PRKAR1A: variants seen among roughly 807,000 people sequenced by gnomAD.
PRKAR1A encodes the protein cAMP-dependent protein kinase type I-alpha regulatory subunit.
A neutral mutation model predicts 52.0 loss-of-function variants in PRKAR1A; 3 were observed. The observed-to-expected ratio is 0.06, with a 90% CI of 0.03 to 0.15. PRKAR1A has a LOEUF of 0.15. PRKAR1A is among the 10% of genes least tolerant of loss of function. The pLI, the probability that PRKAR1A is intolerant of heterozygous loss-of-function variation, is 1.00. For synonymous variants in PRKAR1A, 188 were observed against 168.4 expected (o/e 1.12, Z -0.90); for missense variants, 240 against 477.4 (o/e 0.50, Z 4.63).
At chr17:68,441,792 G>T in the PRKAR1A span, among the ~76,000 whole-genome samples, 1 of 152,316 alleles carries the variant, frequency 6.6e-6, no homozygotes, top group East Asian at 1.9e-4. Context: ...GCAGTAGAAA[G>T]GGAGCTCAGG....
At position 68,532,680 on chromosome 17, in the gene PRKAR1A, T is replaced by C. The variant is rs2086009001; in HGVS notation, c.*2231T>C. 9.4e-7 allele frequency: 1 copy of C among 1,066,264 alleles called. No individual in the cohort carries two copies. Among genetic ancestry groups the C allele is most frequent in the Non-Finnish European group, 1.1e-6 (1 of 879,684 alleles). The allele number at this position is 1,066,264 out of a possible 1,614,324, so 66.1% of individuals were successfully genotyped here. A position where few individuals can be genotyped will look rare whatever the true frequency, so the allele number is the denominator to read the frequency against. ...TGCTTCCTGATTACCAGTCTGATTA[T>C]ACCATGTGTGCTAATATACTTTTTT... On this transcript the variant is annotated 3_prime_UTR_variant, in exon 11 of 11. Coordinates refer to ENST00000589228, the MANE Select transcript of PRKAR1A (RefSeq NM_002734.5).
At chr17:68,497,729 T>C in the PRKAR1A span, among the ~76,000 whole-genome samples, 4 of 152,206 alleles carry the variant, frequency 2.6e-5, no homozygotes, top group African/African-American at 9.7e-5. Flanking sequence ...ATCAAGTATG[T>C]TGCCCAAGGT....
At chr17:68,549,404 T>G (rs143997309) in intron 11 of PRKAR1A, among the ~76,000 whole-genome samples, 1,674 of 151,386 alleles carry the variant, frequency 0.011, 20 homozygotes, top group African/African-American at 0.039. Flanking sequence ...TGAGGCAGGA[T>G]AATTGCTTGA....
Position 68,532,383 on chromosome 17 carries a change from C to G in PRKAR1A, c.*1934C>G. On this transcript the variant is annotated 3_prime_UTR_variant, in exon 11 of 11. Coordinates refer to ENST00000589228, the MANE Select transcript of PRKAR1A (RefSeq NM_002734.5). ...TATAATGCTTTCTGAGTGAGTTTTA[C>G]TCTTAAATCATTTGGTTAAATCATT... 3.8e-6 allele frequency: 4 copies of G among 1,056,846 alleles called. No individual in the cohort carries two copies. Among genetic ancestry groups the G allele is most frequent in the Non-Finnish European group, 4.6e-6 (4 of 871,514 alleles). The allele number at this position is 1,056,846 out of a possible 1,614,324, so 65.5% of individuals were successfully genotyped here.
chr17:68,496,999 T>C, the PRKAR1A span, among the ~76,000 whole-genome samples: 1 of 151,850 alleles, frequency 6.6e-6, no homozygotes, highest in Non-Finnish European at 1.5e-5. Flanking sequence ...CATTTTTGTA[T>C]TTTTTGTGGA....
chr17:68,501,524 T>A, the PRKAR1A span, among the ~76,000 whole-genome samples: 1 of 152,182 alleles, frequency 6.6e-6, no homozygotes, highest in African/African-American at 2.4e-5. Flanking sequence ...GGTATAATCA[T>A]GGCTCACTGC....
chr17:68,499,909 A>G, the PRKAR1A span, among the ~76,000 whole-genome samples: 1,084 of 152,302 alleles, frequency 7.1e-3, 9 homozygotes, highest in African/African-American at 0.024. Context: ...TCACTCTTTC[A>G]TGGCCTTCCC....
downstream of PRKAR1A, chr17:68,535,666 A>AC (rs1430801787): frequency 8.9e-6 from 4 of 448,418 alleles, no homozygotes; most frequent in African/African-American, 8.1e-5. Context: ...GATTTAAAAA[A>AC]AAATTTTTTT....
At chr17:68,543,271 T>C (rs2086391783) in intron 11 of PRKAR1A, among the ~76,000 whole-genome samples, 1 of 152,146 alleles carries the variant, frequency 6.6e-6, no homozygotes, top group Admixed American at 6.5e-5. Context: ...GTGGAATGTT[T>C]AGGAATGTGC....
downstream of PRKAR1A, chr17:68,535,105 T>A (rs1600505785): frequency 2.8e-6 from 1 of 363,574 alleles, no homozygotes; most frequent in East Asian, 7.2e-5. Flanking sequence ...CAGTAGTAAC[T>A]TGAAAAGTTC....
chr17:68,426,556 A>G, the PRKAR1A span, among the ~76,000 whole-genome samples: 346 of 152,292 alleles, frequency 2.3e-3, no homozygotes, highest in African/African-American at 8.3e-3. Context: ...TTTTTGAAAC[A>G]GAGTCTCACT....
the PRKAR1A span, among the ~76,000 whole-genome samples, chr17:68,463,771 G>A: frequency 1.3e-5 from 2 of 152,208 alleles, no homozygotes; most frequent in Non-Finnish European, 2.9e-5. Context: ...CTGGAGTGGG[G>A]AGAAGAGTGG....
the PRKAR1A span, among the ~76,000 whole-genome samples, chr17:68,486,546 TTTCTTTC>T: frequency 5.7e-5 from 8 of 140,326 alleles, no homozygotes; most frequent in South Asian, 1.6e-3. Flanking sequence ...TCTTTCTTTC[TTTCTTTC>T]TTTCTTTCTT....
rs2086018983 is a variant in PRKAR1A at position 68,533,010 on chromosome 17, C to T, written c.*2561C>T. On this transcript the variant is annotated 3_prime_UTR_variant, in exon 11 of 11. Transcript: ENST00000589228. ...ACTTAGTCATGGAAAGAAAAAAATTCAGTCAAAAGCTAAAGATTTCCTTTT... is the reference window on the plus strand; with the variant it reads ...ACTTAGTCATGGAAAGAAAAAAATTTAGTCAAAAGCTAAAGATTTCCTTTT... 9.4e-7 allele frequency: 1 copy of T among 1,065,698 alleles called. No homozygotes were observed. The highest frequency in any genetic ancestry group is 1.6e-5 in the African/African-American group (1 of 61,108). The allele number at this position is 1,065,698 out of a possible 1,614,324, so 66.0% of individuals were successfully genotyped here.
chr17:68,509,799 C>T (rs1003417070), upstream of PRKAR1A, among the ~76,000 whole-genome samples: 4 of 152,198 alleles, frequency 2.6e-5, no homozygotes, highest in Non-Finnish European at 5.9e-5. Flanking sequence ...CTTTATGTCT[C>T]CTAAAGCCCC....
At position 68,516,155 on chromosome 17, in the gene PRKAR1A, C is replaced by T. The variant is rs146051244; in HGVS notation, c.177+579C>T. ...CCATTTTATTGGTCAGGACTTGTTG[C>T]GCCTTGAAAAAAATTAATCCAATTT... On this transcript the variant is annotated intron_variant, in intron 2 of 10. Coordinates refer to ENST00000589228, the MANE Select transcript of PRKAR1A (RefSeq NM_002734.5). 5.1e-3 allele frequency among the ~76,000 whole-genome samples: 779 copies of T among 152,082 alleles called. 4 individuals are homozygous for T. Among genetic ancestry groups the T allele is most frequent in the African/African-American group, 0.017 (707 of 41,482 alleles).
At chr17:68,467,768 A>C in the PRKAR1A span, among the ~76,000 whole-genome samples, 1 of 152,104 alleles carries the variant, frequency 6.6e-6, no homozygotes, top group African/African-American at 2.4e-5. Flanking sequence ...TCCTAGCTAA[A>C]ATCTCTTGAT....
the PRKAR1A span, among the ~76,000 whole-genome samples, chr17:68,489,274 A>ATATATATATGGAAAG: frequency 2.7e-4 from 9 of 33,674 alleles, 1 homozygote; most frequent in East Asian, 1.2e-3. Flanking sequence ...AAGTATATAT[A>ATATATATATGGAAAG]TATATATATA....
At chr17:68,500,592 CA>C in the PRKAR1A span, among the ~76,000 whole-genome samples, 1 of 151,384 alleles carries the variant, frequency 6.6e-6, no homozygotes, top group Non-Finnish European at 1.5e-5. Context: ...TGGCTCACTG[CA>C]ACGTACACCA....
Sources: gnomAD v4.1 joint callset for allele counts (sites outside exome capture counted in the v4.1 genomes callset) on GRCh38, gnomAD v4.1.1 for gene constraint, MANE v1.5 for transcripts, NCBI Gene and HGNC (gene_info 2026-07-23, HGNC 2026-07-21) for gene names.